UBR3: variants seen among roughly 807,000 people sequenced by gnomAD.
UBR3 encodes the protein E3 ubiquitin-protein ligase UBR3.
In UBR3, 85 loss-of-function variants were observed where a neutral mutation model predicts 243.2. That is an observed-to-expected ratio of 0.35 (90% CI 0.29 to 0.42). The LOEUF (loss-of-function observed/expected upper bound fraction) is 0.42. Among genes scored for constraint, UBR3 ranks in the 10% least tolerant of loss-of-function variants. The probability of loss-of-function intolerance (pLI) is 1.00; values close to 1 mark genes in which losing one functional copy is unlikely to be tolerated. For synonymous variants in UBR3, 748 were observed against 799.8 expected, an observed-to-expected ratio of 0.94 and a Z score of 1.09; for missense variants, 1,686 against 2,300.8, an observed-to-expected ratio of 0.73 and a Z score of 5.47.
intron 31 of UBR3, among the ~76,000 whole-genome samples, chr2:170,036,422 A>G (rs1195743264): frequency 2.0e-5 from 3 of 152,102 alleles, no homozygotes; most frequent in African/African-American, 7.2e-5. Context: ...GGAAAGATCC[A>G]TTTCTCTCTC....
chr2:169,990,150 G>A (rs979332494), intron 25 of UBR3, among the ~76,000 whole-genome samples: 1 of 152,120 alleles, frequency 6.6e-6, no homozygotes, highest in Admixed American at 6.5e-5. Context: ...TTAAAGAAAA[G>A]TCTCATGCTT....
intron 23 of UBR3, among the ~76,000 whole-genome samples, chr2:169,951,111 A>G (rs562921701): frequency 6.6e-6 from 1 of 152,222 alleles, no homozygotes; most frequent in African/African-American, 2.4e-5. Context: ...GGGAGGGTCC[A>G]AAGAGATCAC....
chr2:169,904,445 G>A (rs908631970), intron 8 of UBR3, among the ~76,000 whole-genome samples: 4 of 152,172 alleles, frequency 2.6e-5, no homozygotes, highest in Admixed American at 2.6e-4. Flanking sequence ...GTTAAAGAGA[G>A]TGAATGCATA....
At chr2:169,887,940 C>A (rs1317780071) in intron 5 of UBR3, among the ~76,000 whole-genome samples, 2 of 151,162 alleles carry the variant, frequency 1.3e-5, no homozygotes, top group South Asian at 2.1e-4. Flanking sequence ...CCATGCCCAG[C>A]TAATTTTGTA....
chr2:169,891,607 G>GACACACAC (rs778865332), intron 6 of UBR3, among the ~76,000 whole-genome samples: 4 of 38,654 alleles, frequency 1.0e-4, no homozygotes, highest in East Asian at 1.2e-3. Context: ...GTGAGAGAGA[G>GACACACAC]ACAGAGACAC....
chr2:170,003,270 C>G (rs972092474), intron 27 of UBR3, among the ~76,000 whole-genome samples: 1 of 152,174 alleles, frequency 6.6e-6, no homozygotes, highest in African/African-American at 2.4e-5. Context: ...ATCAACAATA[C>G]GTGTTGTTGG....
intron 1 of UBR3, among the ~76,000 whole-genome samples, chr2:169,843,557 T>C (rs1472611693): frequency 2.6e-5 from 4 of 152,350 alleles, no homozygotes; most frequent in Middle Eastern, 3.4e-3. Flanking sequence ...AGAGGTAACA[T>C]ATTCAAACCA....
intron 35 of UBR3, among the ~76,000 whole-genome samples, chr2:170,067,250 T>G (rs2091593386): frequency 6.6e-6 from 1 of 152,194 alleles, no homozygotes; most frequent in Non-Finnish European, 1.5e-5. Context: ...CCATTGGCAG[T>G]TCCCATCTTC....
chr2:170,000,611 T>A (rs920912695), intron 26 of UBR3, among the ~76,000 whole-genome samples: 16 of 152,218 alleles, frequency 1.1e-4, no homozygotes, highest in Non-Finnish European at 1.8e-4. Flanking sequence ...ATTTACGTTT[T>A]TGGCACATTG....
chr2:169,866,472 C>T (rs1380670880), intron 1 of UBR3, among the ~76,000 whole-genome samples: 2 of 151,758 alleles, frequency 1.3e-5, no homozygotes, highest in South Asian at 2.1e-4. Context: ...AAGCCATTCT[C>T]CTACCTCAGC....
chr2:169,966,876 A>G (rs1190723857), intron 24 of UBR3, among the ~76,000 whole-genome samples: 2 of 152,120 alleles, frequency 1.3e-5, no homozygotes, highest in African/African-American at 2.4e-5. Flanking sequence ...TGGACTGTGT[A>G]GGGTTTTTTT....
chr2:169,907,817 T>C lies in UBR3; in HGVS notation c.1779+1653T>C, dbSNP rs545631941. 3.9e-5 allele frequency among the ~76,000 whole-genome samples: 6 copies of C among 152,126 alleles called. No homozygotes were observed. In the South Asian group the frequency reaches 1.2e-3, roughly 32 times the overall value. ...TTTTGAGATGGAGTCTCACTCACTG[T>C]CACCCAGGCTGGAGTGCGAACTCAG... On this transcript the variant is annotated intron_variant, in intron 10 of 38. Coordinates refer to ENST00000272793, the MANE Select transcript of UBR3 (RefSeq NM_172070.4).
chr2:169,980,910 C>G (rs373329204), intron 24 of UBR3, among the ~76,000 whole-genome samples: 4 of 151,332 alleles, frequency 2.6e-5, no homozygotes, highest in African/African-American at 7.3e-5. Flanking sequence ...TCTCATAGGG[C>G]CAGAAAGTAG....
intron 1 of UBR3, among the ~76,000 whole-genome samples, chr2:169,831,291 C>T (rs2081934350): frequency 6.7e-6 from 1 of 150,192 alleles, no homozygotes; most frequent in East Asian, 2.0e-4. Flanking sequence ...AGGGATGCGC[C>T]ACCACACCCG....
intron 33 of UBR3, 51 bp from the exon 34 acceptor site, chr2:170,061,028 A>AT (rs778531681): frequency 3.9e-5 from 48 of 1,226,118 alleles, no homozygotes; most frequent in Non-Finnish European, 5.0e-5. Flanking sequence ...TCCAATGTAA[A>AT]TTTTTTATAA....
rs60845808 is a variant in UBR3, at chr2:169,836,067, A to ATTTTTTT, written c.545+8035_545+8041dup. ...TCTATATATATATATATATATATATATTTTTTTTTTTTTTTTTTTTTTTTT... is the reference window on the plus strand; with the variant it reads ...TCTATATATATATATATATATATATATTTTTTTTTTTTTTTTTTTTTTTTTTTTTTTT... On this transcript the variant is annotated intron_variant, in intron 1 of 38. Coordinates refer to ENST00000272793, the MANE Select transcript of UBR3 (RefSeq NM_172070.4). 1.4e-3 allele frequency among the ~76,000 whole-genome samples: 46 copies of ATTTTTTT among 32,672 alleles called. 10 individuals are homozygous for ATTTTTTT. Among genetic ancestry groups the ATTTTTTT allele is most frequent in the East Asian group, 2.7e-3 (2 of 754 alleles). The allele number at this position is 32,672 out of a possible 152,430, so 21.4% of individuals were successfully genotyped here.
rs542264712 is a variant in UBR3 at position 170,030,911 on chromosome 2, A to G, written c.4556+1463A>G. Reference sequence around the variant, plus strand: ...CATCCATTTGCATTTCTTTTTATGAAGTCTCTAATCTGTTGCCTATTTCAA... The same window carrying G: ...CATCCATTTGCATTTCTTTTTATGAGGTCTCTAATCTGTTGCCTATTTCAA... On this transcript the variant is annotated intron_variant, in intron 31 of 38. Transcript: ENST00000272793. Among the ~76,000 whole-genome samples the G allele has an allele frequency of 7.9e-5, 12 of 152,266 alleles. 1 individual carries two copies. In the South Asian group the frequency reaches 2.5e-3, roughly 32 times the overall value.
intron 1 of UBR3, among the ~76,000 whole-genome samples, chr2:169,853,869 A>C (rs1402210901): frequency 6.6e-6 from 1 of 151,528 alleles, no homozygotes; most frequent in Non-Finnish European, 1.5e-5. Context: ...TGAATGAGGG[A>C]GAGAAGAAAG....
chr2:169,990,795 A>G (rs1326746598), intron 25 of UBR3, among the ~76,000 whole-genome samples: 6 of 152,122 alleles, frequency 3.9e-5, no homozygotes, highest in East Asian at 1.9e-4. Flanking sequence ...AGAAAATTCA[A>G]TTAATTACAG....
Sources: allele counts gnomAD v4.1 joint callset (sites outside exome capture counted in the v4.1 genomes callset), GRCh38; gene constraint gnomAD v4.1.1; transcripts MANE v1.5; gene names NCBI Gene and HGNC (gene_info 2026-07-23, HGNC 2026-07-21).